The following SAMMSON variants were observed in gnomAD, a reference collection of about 807,000 sequenced individuals.
SAMMSON encodes survival associated mitochondrial melanoma specific oncogenic non-coding RNA.
intron 2 of SAMMSON, among the ~76,000 whole-genome samples, chr3:70,399,887 C>A (rs1701125502): frequency 1.3e-5 from 2 of 148,622 alleles, no homozygotes. Flanking sequence ...ACAAAAAAAC[C>A]CACCAAACCA....
At chr3:70,398,135 A>C (rs1431519932) in intron 2 of SAMMSON, among the ~76,000 whole-genome samples, 1 of 152,232 alleles carries the variant, frequency 6.6e-6, no homozygotes, top group Non-Finnish European at 1.5e-5. Context: ...AGAAAATTAC[A>C]TGAGTTATAA....
At chr3:70,103,504 G>A (rs1287290092) in intron 4 of SAMMSON, among the ~76,000 whole-genome samples, 1 of 152,152 alleles carries the variant, frequency 6.6e-6, no homozygotes, top group African/African-American at 2.4e-5. Context: ...TTTTTATGGT[G>A]AAAATGTCAA....
chr3:70,012,308 A>G (rs2066960185), intron 1 of SAMMSON: 1 of 152,010 alleles, frequency 6.6e-6, no homozygotes, highest in African/African-American at 2.4e-5. Flanking sequence ...TGTAGATGTG[A>G]TTAAGAATCT....
intron 4 of SAMMSON, among the ~76,000 whole-genome samples, chr3:70,087,380 A>G (rs887326891): frequency 3.3e-5 from 5 of 152,208 alleles, no homozygotes; most frequent in African/African-American, 9.6e-5. Flanking sequence ...AGCCAGTGCC[A>G]TGCACTTTAG....
chr3:70,078,349 C>T (rs146317129), intron 4 of SAMMSON, among the ~76,000 whole-genome samples: 49 of 152,250 alleles, frequency 3.2e-4, no homozygotes, highest in African/African-American at 1.2e-3. Flanking sequence ...AAATTAGGTT[C>T]ACATAGGTGC....
chr3:70,104,915 T>A (rs1484820852), intron 4 of SAMMSON, among the ~76,000 whole-genome samples: 1 of 152,206 alleles, frequency 6.6e-6, no homozygotes, highest in Non-Finnish European at 1.5e-5. Flanking sequence ...AGACTCCTTC[T>A]AATGTAGGTT....
chr3:70,110,449 G>C (rs1397543376), intron 4 of SAMMSON, among the ~76,000 whole-genome samples: 1 of 152,138 alleles, frequency 6.6e-6, no homozygotes, highest in Non-Finnish European at 1.5e-5. Flanking sequence ...AAGGATGTAG[G>C]GGGGTAGTGT....
chr3:70,272,991 G>T (rs1701988590), intron 6 of SAMMSON, among the ~76,000 whole-genome samples: 1 of 152,186 alleles, frequency 6.6e-6, no homozygotes, highest in African/African-American at 2.4e-5. Flanking sequence ...CTTCAGTCCA[G>T]GTCAAATCAC....
intron 3 of SAMMSON, among the ~76,000 whole-genome samples, chr3:70,021,140 T>C (rs972892487): frequency 6.6e-6 from 1 of 152,108 alleles, no homozygotes; most frequent in Non-Finnish European, 1.5e-5. Flanking sequence ...CCTGTGTGTG[T>C]GTACATTCAG....
chr3:70,366,241 C>G (rs1702919214), intron 9 of SAMMSON, among the ~76,000 whole-genome samples: 1 of 24,680 alleles, frequency 4.1e-5, no homozygotes, highest in African/African-American at 1.4e-4. Flanking sequence ...CCACCCGCCT[C>G]GGCCTCCCAA....
intron 6 of SAMMSON, among the ~76,000 whole-genome samples, chr3:70,266,028 C>T (rs1244314846): frequency 6.6e-6 from 1 of 152,090 alleles, no homozygotes; most frequent in African/African-American, 2.4e-5. Context: ...ATCATATCAC[C>T]AAAAAAGTTT....
intron 2 of SAMMSON, among the ~76,000 whole-genome samples, chr3:70,434,288 T>G (rs1292630167): frequency 6.6e-6 from 1 of 152,212 alleles, no homozygotes; most frequent in Non-Finnish European, 1.5e-5. Context: ...TATATTTAGC[T>G]CTTTTTTATT....
rs74720612 is a variant in SAMMSON, at chr3:70,316,214, A to G, written n.739+24971A>G. Among the ~76,000 whole-genome samples, 241 of 152,312 alleles carry G rather than the reference A, an allele frequency of 1.6e-3. 9 individuals are homozygous for G. In the East Asian group the frequency reaches 0.042, roughly 26 times the overall value. ...TTTATGTTCCTTTTCCTGTTAAAAT[A>G]GAATTAAATGCATGAAGCTAGAGCT... is the stretch of plus-strand genomic sequence containing the variant. On this transcript the variant is annotated intron_variant and non_coding_transcript_variant, in intron 7 of 9. Coordinates refer to ENST00000642114, the Ensembl canonical transcript of SAMMSON.
At chr3:70,145,348 A>G (rs572005651) in intron 4 of SAMMSON, among the ~76,000 whole-genome samples, 1 of 152,208 alleles carries the variant, frequency 6.6e-6, no homozygotes, top group African/African-American at 2.4e-5. Flanking sequence ...CTATCAACCA[A>G]CTGGAATCAA....
chr3:70,040,589 A>T (rs2067102521), intron 3 of SAMMSON, among the ~76,000 whole-genome samples: 1 of 152,160 alleles, frequency 6.6e-6, no homozygotes, highest in African/African-American at 2.4e-5. Flanking sequence ...GGAATCTAAA[A>T]TCATGAGTCA....
chr3:70,292,337 C>T (rs948793944), intron 7 of SAMMSON, among the ~76,000 whole-genome samples: 1 of 152,050 alleles, frequency 6.6e-6, no homozygotes, highest in Non-Finnish European at 1.5e-5. Flanking sequence ...TCTCTGAGAG[C>T]CATTACTATA....
At chr3:70,295,539 C>T (rs143137692) in intron 7 of SAMMSON, among the ~76,000 whole-genome samples, 161 of 152,044 alleles carry the variant, frequency 1.1e-3, no homozygotes, top group African/African-American at 3.8e-3. Flanking sequence ...CCCGTCTCTA[C>T]AAAAAAGTTA....
intron 6 of SAMMSON, among the ~76,000 whole-genome samples, chr3:70,280,353 T>C (rs926705666): frequency 6.6e-6 from 1 of 152,144 alleles, no homozygotes; most frequent in Non-Finnish European, 1.5e-5. Flanking sequence ...TAAGAGGTAA[T>C]ATGTACAGGT....
intron 2 of SAMMSON, among the ~76,000 whole-genome samples, chr3:70,401,567 G>A (rs966289747): frequency 1.3e-5 from 2 of 148,960 alleles, no homozygotes; most frequent in African/African-American, 5.2e-5. Context: ...ATTATTCATT[G>A]CCAATTTCCA....
Sources: allele counts gnomAD v4.1 joint callset (sites outside exome capture counted in the v4.1 genomes callset), GRCh38; gene constraint gnomAD v4.1.1; transcripts MANE v1.5; gene names NCBI Gene and HGNC (gene_info 2026-07-23, HGNC 2026-07-21).